SNCAIP: variants seen among roughly 807,000 people sequenced by gnomAD.
SNCAIP encodes the protein synphilin-1.
SNCAIP carries 43 observed loss-of-function variants against 86.7 expected under a neutral mutation model. The ratio of observed to expected loss-of-function variants is 0.50; its 90% CI spans 0.39 to 0.64. SNCAIP has a LOEUF of 0.64. SNCAIP is among the 30% of genes least tolerant of loss of function. SNCAIP has a pLI of 0.00. For missense variants in SNCAIP, 981 were observed against 1,103.1 expected (o/e 0.89, Z 1.57); for synonymous variants, 417 against 427.2 (o/e 0.98, Z 0.29).
At position 122,348,888 on chromosome 5, in the gene SNCAIP, C is replaced by T. The variant is rs73285540; in HGVS notation, c.-47+36604C>T. Among the ~76,000 whole-genome samples the T allele has an allele frequency of 9.7e-3, 1,471 of 152,210 alleles. 22 individuals are homozygous for T. Among genetic ancestry groups the T allele is most frequent in the African/African-American group, 0.034 (1,408 of 41,542 alleles). On this transcript the variant is annotated intron_variant, in intron 1 of 10. Transcript: ENST00000261368. ...TGTAAAGTTTTGTACAAAAAAAATA[C>T]GTCCTGAAAAATCAACAATTGATTT...
At chr5:122,433,639 G>T (rs1383413552) in intron 6 of SNCAIP, among the ~76,000 whole-genome samples, 2 of 152,162 alleles carry the variant, frequency 1.3e-5, no homozygotes, top group African/African-American at 2.4e-5. Context: ...CACTGTCTTT[G>T]AAATATTATA....
intron 1 of SNCAIP, among the ~76,000 whole-genome samples, chr5:122,351,408 G>T (rs1407369719): frequency 2.6e-5 from 4 of 151,658 alleles, no homozygotes; most frequent in African/African-American, 7.3e-5. Context: ...ATGGTGGCAT[G>T]CACCTGTAAT....
At chr5:122,377,673 A>T (rs1348393637) in intron 1 of SNCAIP, among the ~76,000 whole-genome samples, 3 of 145,312 alleles carry the variant, frequency 2.1e-5, no homozygotes, top group Non-Finnish European at 4.5e-5. Context: ...ATATCTCCCA[A>T]TGCTATCCCT....
chr5:122,446,071 A>G (rs2617278), intron 8 of SNCAIP, among the ~76,000 whole-genome samples: 85 of 152,324 alleles, frequency 5.6e-4, no homozygotes, highest in Non-Finnish European at 8.5e-4. Flanking sequence ...TGAGCTAGGT[A>G]AACTTCAAGG....
Position 122,328,229 on chromosome 5 carries a change from C to G in SNCAIP, c.-47+15945C>G, listed in dbSNP as rs375681329. On this transcript the variant is annotated intron_variant, in intron 1 of 10. Coordinates refer to ENST00000261368, the MANE Select transcript of SNCAIP (RefSeq NM_005460.4). ...TCCTACATAGATTATGTCACTCATT[C>G]TCAAGGTTTATACTATCACCTGTGT... Among the ~76,000 whole-genome samples, 3 of 152,286 alleles carry G rather than the reference C, an allele frequency of 2.0e-5. No individual in the cohort carries two copies. The South Asian group carries it at 6.2e-4, about 32-fold the overall frequency.
intron 7 of SNCAIP, among the ~76,000 whole-genome samples, chr5:122,443,928 G>C (rs1256804172): frequency 6.6e-6 from 1 of 152,100 alleles, no homozygotes; most frequent in African/African-American, 2.4e-5. Context: ...TGTAGCCATA[G>C]AACCCTCTCC....
intron 1 of SNCAIP, among the ~76,000 whole-genome samples, chr5:122,378,043 G>C (rs1374707565): frequency 1.3e-5 from 2 of 148,366 alleles, no homozygotes; most frequent in African/African-American, 5.0e-5. Flanking sequence ...ATAGTCCTTT[G>C]GGTATATACC....
At chr5:122,396,311 C>A (rs1301188389) in intron 2 of SNCAIP, among the ~76,000 whole-genome samples, 1 of 152,102 alleles carries the variant, frequency 6.6e-6, no homozygotes, top group Non-Finnish European at 1.5e-5. Flanking sequence ...TAGTGTTAGA[C>A]CCCAGGACTA....
chr5:122,312,756 C>G (rs770299739), intron 1 of SNCAIP: 1 of 152,598 alleles, frequency 6.6e-6, no homozygotes, highest in Non-Finnish European at 1.5e-5. Context: ...GTGTTGCTGC[C>G]GCCCCTCGCT....
At chr5:122,425,251 T>G in intron 4 of SNCAIP, 101 bp from the exon 5 acceptor site, 1 of 899,500 alleles carries the variant, frequency 1.1e-6, no homozygotes, top group Non-Finnish European at 1.9e-6. Flanking sequence ...CACCAGAGCT[T>G]CTATAAGCTC....
chr5:122,404,692 T>G (rs1049158979), intron 3 of SNCAIP, among the ~76,000 whole-genome samples: 7 of 152,206 alleles, frequency 4.6e-5, no homozygotes, highest in Non-Finnish European at 1.0e-4. Flanking sequence ...CAGATAATCC[T>G]CAAATTATGT....
intron 10 of SNCAIP, chr5:122,452,803 T>A (rs1783971304): frequency 1.5e-6 from 1 of 661,858 alleles, no homozygotes; most frequent in South Asian, 1.7e-5. Context: ...CTCCTTAAAG[T>A]GCATACTAAG....
chr5:122,418,158 G>A (rs1254799304), intron 3 of SNCAIP, among the ~76,000 whole-genome samples: 1 of 152,208 alleles, frequency 6.6e-6, no homozygotes, highest in African/African-American at 2.4e-5. Context: ...GAATTTAGCA[G>A]TGGAGCTGCA....
chr5:122,331,099 G>A (rs1755247789), intron 1 of SNCAIP, among the ~76,000 whole-genome samples: 1 of 152,104 alleles, frequency 6.6e-6, no homozygotes, highest in African/African-American at 2.4e-5. Flanking sequence ...CCAGCAGTGG[G>A]GAACAGGTGT....
At chr5:122,455,300 G>A (rs1784522763) in intron 10 of SNCAIP, among the ~76,000 whole-genome samples, 1 of 152,198 alleles carries the variant, frequency 6.6e-6, no homozygotes, top group African/African-American at 2.4e-5. Flanking sequence ...GATCTCTCTG[G>A]CTGAAATAAA....
At chr5:122,369,422 C>T (rs950774996) in intron 1 of SNCAIP, among the ~76,000 whole-genome samples, 3 of 152,190 alleles carry the variant, frequency 2.0e-5, no homozygotes, top group Non-Finnish European at 2.9e-5. Context: ...ACCTAGATTG[C>T]CTCAGGCCAC....
In SNCAIP at chr5:122,382,828, G is replaced by C. The variant is rs190881116; in HGVS notation, c.-46-8261G>C. On this transcript the variant is annotated intron_variant, in intron 1 of 10. Coordinates refer to ENST00000261368, the MANE Select transcript of SNCAIP (RefSeq NM_005460.4). ...TGTGAGGTGTCAGTGTGCCCCTGCT[G>C]GGGTTGCCTCCCAGTTAGCCTGCTC... is the stretch of plus-strand genomic sequence containing the variant. 1.8e-3 allele frequency among the ~76,000 whole-genome samples: 280 copies of C among 152,354 alleles called. 2 individuals are homozygous for C. The highest frequency in any genetic ancestry group is 6.4e-3 in the African/African-American group (266 of 41,588).
At chr5:122,438,353 C>T (rs1478372) in intron 6 of SNCAIP, among the ~76,000 whole-genome samples, 1 of 151,892 alleles carries the variant, frequency 6.6e-6, no homozygotes, top group African/African-American at 2.4e-5. Context: ...AGTTGTCCCA[C>T]CATGAGTGAA....
At chr5:122,340,731 G>A (rs1038267334) in intron 1 of SNCAIP, among the ~76,000 whole-genome samples, 2 of 152,106 alleles carry the variant, frequency 1.3e-5, no homozygotes, top group South Asian at 4.2e-4. Flanking sequence ...TGATGCTTTT[G>A]TTAAAATATG....
Sources: allele counts gnomAD v4.1 joint callset (sites outside exome capture counted in the v4.1 genomes callset), GRCh38; gene constraint gnomAD v4.1.1; transcripts MANE v1.5; gene names NCBI Gene and HGNC (gene_info 2026-07-23, HGNC 2026-07-21).